CFAP20DC: variants seen among roughly 807,000 people sequenced by gnomAD.
CFAP20DC encodes the protein CFAP20 domain containing.
In CFAP20DC, 84 loss-of-function variants were observed where a neutral mutation model predicts 101.7. The ratio of observed to expected loss-of-function variants is 0.83; its 90% CI spans 0.69 to 0.99. CFAP20DC has a LOEUF of 0.99. Among genes scored for constraint, CFAP20DC ranks in the 50% least tolerant of loss-of-function variants. The pLI, the probability that CFAP20DC is intolerant of heterozygous loss-of-function variation, is 0.00. For missense variants in CFAP20DC, 1,007 were observed against 970.3 expected (o/e 1.04, Z -0.50); for synonymous variants, 359 against 351.2 (o/e 1.02, Z -0.25).
intron 6 of CFAP20DC, among the ~76,000 whole-genome samples, chr3:58,890,181 G>A (rs1411102312): frequency 2.7e-5 from 4 of 149,814 alleles, no homozygotes; most frequent in East Asian, 2.0e-4. Flanking sequence ...TGGGCAGGGG[G>A]CTGACCCCCC....
At chr3:58,927,878 G>C (rs1287659402) in intron 5 of CFAP20DC, among the ~76,000 whole-genome samples, 1 of 152,112 alleles carries the variant, frequency 6.6e-6, no homozygotes, top group Non-Finnish European at 1.5e-5. Context: ...GGGCTCTTTG[G>C]GAATAGAGTA....
At chr3:58,942,486 C>T (rs185433183) in intron 4 of CFAP20DC, among the ~76,000 whole-genome samples, 2 of 152,274 alleles carry the variant, frequency 1.3e-5, no homozygotes, top group Admixed American at 1.3e-4. Flanking sequence ...GGAACTCCCT[C>T]CCCTAGCCAA....
intron 4 of CFAP20DC, among the ~76,000 whole-genome samples, chr3:58,946,210 A>T (rs1384207417): frequency 2.1e-5 from 3 of 142,984 alleles, no homozygotes; most frequent in Non-Finnish European, 3.0e-5. Flanking sequence ...TCTGCCTCCC[A>T]GGTTCAAGCG....
chr3:58,898,176 C>CTTT (rs567724569), intron 6 of CFAP20DC, among the ~76,000 whole-genome samples: 5 of 143,178 alleles, frequency 3.5e-5, no homozygotes, highest in African/African-American at 5.1e-5. Flanking sequence ...GTTACTGATA[C>CTTT]TTTTTTTTTT....
chr3:58,736,026 C>T (rs976528737), intron 3 of CFAP20DC, among the ~76,000 whole-genome samples: 1 of 151,836 alleles, frequency 6.6e-6, no homozygotes, highest in African/African-American at 2.4e-5. Flanking sequence ...TTGAGAAGTA[C>T]CTGACCTGAG....
At chr3:58,766,571 CTT>C (rs1319132879) in intron 15 of CFAP20DC, among the ~76,000 whole-genome samples, 1 of 152,198 alleles carries the variant, frequency 6.6e-6, no homozygotes, top group Non-Finnish European at 1.5e-5. Flanking sequence ...ATGTCCATCT[CTT>C]GTTTCAAAGT....
chr3:58,759,910 C>A (rs978745969), intron 15 of CFAP20DC, among the ~76,000 whole-genome samples: 6 of 152,104 alleles, frequency 3.9e-5, no homozygotes, highest in Non-Finnish European at 7.4e-5. Flanking sequence ...GTTTTGGTAC[C>A]AGTACCATGC....
At position 58,729,974 on chromosome 3, in the gene CFAP20DC, C is replaced by T. The variant is rs575301209; in HGVS notation, c.198-12346G>A. 1.0e-4 allele frequency among the ~76,000 whole-genome samples: 15 copies of T among 148,504 alleles called. No individual in the cohort carries two copies. Among genetic ancestry groups the T allele is most frequent in the Admixed American group, 2.0e-4 (3 of 14,808 alleles). On this transcript the variant is annotated intron_variant, in intron 3 of 3. Coordinates refer to the CFAP20DC transcript ENST00000486145. The surrounding 1 kb of genome is among the most constrained non-coding windows in gnomAD (Gnocchi z 4.4). ...CAGAGGTTGTGGTGAACTGAGATCA[C>T]GCCATTGCATTCCAGCCTGGGCAAT...
At chr3:58,719,234 C>T (rs906541266) in intron 3 of CFAP20DC, among the ~76,000 whole-genome samples, 2 of 152,136 alleles carry the variant, frequency 1.3e-5, no homozygotes, top group African/African-American at 2.4e-5. Flanking sequence ...CAGAGTGAGA[C>T]CCTGTCTCAA....
At chr3:58,763,276 A>C (rs1420141899) in intron 15 of CFAP20DC, among the ~76,000 whole-genome samples, 1 of 151,908 alleles carries the variant, frequency 6.6e-6, no homozygotes, top group African/African-American at 2.4e-5. Flanking sequence ...TTGTCGCTTC[A>C]TTTCATTCAT....
intron 15 of CFAP20DC, among the ~76,000 whole-genome samples, chr3:58,783,622 A>T (rs967313000): frequency 1.3e-5 from 2 of 152,016 alleles, no homozygotes; most frequent in Non-Finnish European, 2.9e-5. Flanking sequence ...TCCCATTAAA[A>T]CATGTGCAAA....
chr3:58,745,528 C>T (rs1011072173), intron 16 of CFAP20DC, among the ~76,000 whole-genome samples: 3 of 152,156 alleles, frequency 2.0e-5, no homozygotes, highest in Non-Finnish European at 2.9e-5. Flanking sequence ...TTCACCTCAT[C>T]GGACCTTGGT....
chr3:58,890,082 G>C (rs1399813572), intron 6 of CFAP20DC, among the ~76,000 whole-genome samples: 2 of 150,156 alleles, frequency 1.3e-5, no homozygotes, highest in South Asian at 2.1e-4. Context: ...CCTCCCAGAC[G>C]GGGTGGTGGC....
At chr3:58,991,523 C>A (rs1241145652) in intron 4 of CFAP20DC, among the ~76,000 whole-genome samples, 1 of 152,042 alleles carries the variant, frequency 6.6e-6, no homozygotes, top group Admixed American at 6.5e-5. Flanking sequence ...CATCAGTTCC[C>A]AACCTTTTTG....
Position 58,926,189 on chromosome 3 carries a change from A to G in CFAP20DC, c.393+11459T>C, listed in dbSNP as rs1263299729. Among the ~76,000 whole-genome samples the G allele has an allele frequency of 2.6e-5, 4 of 152,048 alleles. No homozygotes were observed. In the East Asian group the frequency reaches 5.8e-4, roughly 22 times the overall value. ...GAGACCAGCCTGCCCAACATGGTGA[A>G]ACCCTGTCTCTACTAAAAATACAAA... On this transcript the variant is annotated intron_variant, in intron 5 of 16. Transcript: ENST00000482387.
At chr3:59,000,549 A>G (rs570488891) in intron 4 of CFAP20DC, among the ~76,000 whole-genome samples, 17 of 152,210 alleles carry the variant, frequency 1.1e-4, no homozygotes, top group Non-Finnish European at 2.4e-4. Context: ...AGATTTGGAA[A>G]TGCTGATGGA....
rs141560415 is a variant in CFAP20DC at position 58,980,771 on chromosome 3, A to G, written c.279-43009T>C. Among the ~76,000 whole-genome samples, 1,339 of 152,334 alleles carry G rather than the reference A, an allele frequency of 8.8e-3. 22 individuals are homozygous for G. The highest frequency in any genetic ancestry group is 0.03 in the African/African-American group (1,256 of 41,572). On this transcript the variant is annotated intron_variant, in intron 4 of 16. Coordinates refer to ENST00000482387, the MANE Select transcript of CFAP20DC (RefSeq NM_001394063.1). ...ATCATACTGAATGGGCAAAAACTAGAGGCATTACCTTTGAAAACTGGCACA... is the reference window on the plus strand; with the variant it reads ...ATCATACTGAATGGGCAAAAACTAGGGGCATTACCTTTGAAAACTGGCACA...
At chr3:58,811,469 T>TA (rs1329353504) in intron 14 of CFAP20DC, among the ~76,000 whole-genome samples, 1 of 152,096 alleles carries the variant, frequency 6.6e-6, no homozygotes, top group Admixed American at 6.6e-5. Flanking sequence ...ATTCCCTATT[T>TA]AATAAATGGT....
intron 14 of CFAP20DC, among the ~76,000 whole-genome samples, chr3:58,828,690 T>C (rs971447788): frequency 6.6e-6 from 1 of 152,070 alleles, no homozygotes; most frequent in African/African-American, 2.4e-5. Flanking sequence ...AAAGTAACTA[T>C]TGGGTACTAT....
Sources: allele counts gnomAD v4.1 joint callset (sites outside exome capture counted in the v4.1 genomes callset), GRCh38; gene constraint gnomAD v4.1.1; non-coding constraint Gnocchi (gnomAD v3.1); transcripts MANE v1.5; gene names NCBI Gene and HGNC (gene_info 2026-07-23, HGNC 2026-07-21).